The following TLE2 variants were observed in gnomAD, a reference collection of about 807,000 sequenced individuals.
TLE2 encodes the protein transducin-like enhancer protein 2.
TLE2 carries 74 observed loss-of-function variants against 97.2 expected under a neutral mutation model. The observed-to-expected ratio is 0.76, with a 90% CI of 0.63 to 0.92. TLE2 has a LOEUF of 0.92. Among genes scored for constraint, TLE2 ranks in the 40% least tolerant of loss-of-function variants. TLE2 has a pLI of 0.00. For missense variants in TLE2, 1,038 were observed against 1,008.7 expected (o/e 1.03, Z -0.39); for synonymous variants, 499 against 432.1 (o/e 1.15, Z -1.92).
At chr19:3,021,088 C>CAAAA (rs34363860) in intron 5 of TLE2, among the ~76,000 whole-genome samples, 4 of 15,482 alleles carry the variant, frequency 2.6e-4, no homozygotes, top group African/African-American at 2.3e-4. Flanking sequence ...GACCCAGTCT[C>CAAAA]AAAAAAAAAA....
Position 3,005,445 on chromosome 19 carries a change from T to C in TLE2, c.1888A>G (p.Ser630Gly). The change falls in exon 17 of 20, where the codon AGC (serine) becomes GGC (glycine). Residue 630 changes from serine to glycine, a missense_variant. Coordinates refer to ENST00000262953, the MANE Select transcript of TLE2 (RefSeq NM_003260.5). ...EGRQLQQHDF[S>G]SQIFSLGHCP... The stretch of plus-strand genomic sequence containing the variant: ...CCAGAACCGAACAGCACCTGGGAGC[T>C]GAAGTCATGCTGCTGCAGCTGGCGG... 6.2e-7 allele frequency: 1 copy of C among 1,613,708 alleles called. No homozygotes were observed. The highest frequency in any genetic ancestry group is 8.5e-7 in the Non-Finnish European group (1 of 1,179,816).
chr19:3,006,699 C>A lies in TLE2; in HGVS notation c.1251-30G>T. 3 of 1,559,076 alleles carry A rather than the reference C, an allele frequency of 1.9e-6. No homozygotes were observed. The South Asian group carries it at 3.6e-5, about 19-fold the overall frequency. On this transcript the variant is annotated intron_variant, in intron 14 of 19. Coordinates refer to ENST00000262953, the MANE Select transcript of TLE2 (RefSeq NM_003260.5). ...AGAGAAAGCCGGGGCATGACCCAGC[C>A]CTGGGCACCACGCCCCCGCACCCGC... is the stretch of plus-strand genomic sequence containing the variant.
intron 5 of TLE2, among the ~76,000 whole-genome samples, chr19:3,021,487 T>G (rs2089843014): frequency 6.6e-6 from 1 of 152,254 alleles, no homozygotes; most frequent in African/African-American, 2.4e-5. Context: ...ACCAGGCATT[T>G]GACATGTGGC....
chr19:3,001,221 T>C (rs1344937475), intron 18 of TLE2, among the ~76,000 whole-genome samples: 2 of 151,216 alleles, frequency 1.3e-5, no homozygotes, highest in Non-Finnish European at 2.9e-5. Context: ...TGCAGTGAGC[T>C]GAGATTGCGC....
At position 3,019,425 on chromosome 19, in the gene TLE2, C is replaced by T. The variant is rs779660710; in HGVS notation, c.408G>A (p.Val136=). 9.0e-5 allele frequency: 139 copies of T among 1,536,002 alleles called. No individual in the cohort carries two copies. Among genetic ancestry groups the T allele is most frequent in the Non-Finnish European group, 1.1e-4 (122 of 1,146,528 alleles). The change falls in exon 7 of 20, where the codon GTG becomes GTA. Residue 136 remains valine (V), a synonymous_variant. Transcript: ENST00000262953. The surrounding 1 kb of genome is among the most constrained non-coding windows in gnomAD (Gnocchi z 5.1). ...LQPLSHHAPP[V]PLTPRPAGLV... is the part of the protein sequence containing the mutation. ...GCCCGGCTGGGCGGGGGGTGAGGGG[C>T]ACAGGGGGTGCGTGGTGGGACAGCG...
rs757611241 is a variant in TLE2, at chr19:3,005,756, A to C, written c.1713T>G (p.Ile571Met). 6.2e-7 allele frequency: 1 copy of C among 1,613,788 alleles called. No homozygotes were observed. Among genetic ancestry groups the C allele is most frequent in the Admixed American group, 1.7e-5 (1 of 59,996 alleles). Residue 571 changes from isoleucine to methionine, a missense_variant, in exon 16 of 20, where the codon ATT (isoleucine) becomes ATG (methionine). Ile to Met is a conservative substitution (Grantham distance 10). Coordinates refer to ENST00000262953, the MANE Select transcript of TLE2 (RefSeq NM_003260.5). ...TCTGATTCTGCAGGTCCCAGACCAC[A>C]ATGTTGCCATCGCTGCAGCAGGAGA... The part of the protein sequence containing the change: ...VCFSCCSDGN[I>M]VVWDLQNQTM...
intron 1 of TLE2, among the ~76,000 whole-genome samples, chr19:3,041,000 T>TATATATATATATATATATATATATATAC (rs1357746644): frequency 3.2e-5 from 1 of 31,512 alleles, no homozygotes; most frequent in African/African-American, 2.0e-4. Flanking sequence ...TTTATATATA[T>TATATATATATATATATATATATATATAC]ATATATATAT....
chr19:3,005,546 T>A lies in TLE2; in HGVS notation c.1787A>T (p.Asp596Val). The A allele has an allele frequency of 6.2e-7, 1 of 1,613,570 alleles. No homozygotes were observed. The highest frequency in any genetic ancestry group is 8.5e-7 in the Non-Finnish European group (1 of 1,179,740). The change falls in exon 17 of 20, where the codon GAT becomes GTT. Residue 596 changes from aspartate to valine, a missense_variant. By Grantham distance (152) the Asp-to-Val change is radical. Coordinates refer to ENST00000262953, the MANE Select transcript of TLE2 (RefSeq NM_003260.5). ...GAGCCGAGTGCCGTAATCGGAAATA[T>A]CAATGCAGCTGGCGCCGTCCGTGTG... ...QGHTDGASCI[D>V]ISDYGTRLWT...
At chr19:3,030,039 T>G (rs925129286), upstream of TLE2, among the ~76,000 whole-genome samples, 1 of 152,164 alleles carries the variant, frequency 6.6e-6, no homozygotes, top group Non-Finnish European at 1.5e-5. Context: ...ACTCCTGGAC[T>G]CAAGCCTCTC....
In TLE2 at chr19:3,011,167, A is replaced by G; in HGVS notation, c.874-7T>C. 6.3e-7 allele frequency: 1 copy of G among 1,586,740 alleles called. No homozygotes were observed. The highest frequency in any genetic ancestry group is 8.6e-7 in the Non-Finnish European group (1 of 1,166,262). ...TGCTGGCGGGAAGGTCATTCTGCAG[A>G]GAAAGGGCAGGACTGAAGGCCACCA... On this transcript the variant is annotated splice_polypyrimidine_tract_variant and splice_region_variant and intron_variant, in intron 11 of 19. Transcript: ENST00000262953.
chr19:3,001,288 T>A (rs970400252), intron 18 of TLE2, among the ~76,000 whole-genome samples: 12 of 142,710 alleles, frequency 8.4e-5, no homozygotes, highest in Non-Finnish European at 1.4e-4. Flanking sequence ...AAAAAAAAAA[T>A]ATTTTTTGTA....
chr19:3,011,005 A>G lies in TLE2; in HGVS notation c.1012+17T>C, dbSNP rs2089583708. On this transcript the variant is annotated intron_variant, in intron 12 of 19. Coordinates refer to ENST00000262953, the MANE Select transcript of TLE2 (RefSeq NM_003260.5). Reference sequence around the variant, plus strand: ...CGAGGCCTGCTCCAGACAGGCACCAACAGGCAAGGTGCTCACCGACGCTGT... The same window carrying G: ...CGAGGCCTGCTCCAGACAGGCACCAGCAGGCAAGGTGCTCACCGACGCTGT... The G allele has an allele frequency of 1.3e-6, 2 of 1,597,470 alleles. No individual in the cohort carries two copies. The highest frequency in any genetic ancestry group is 2.3e-5 in the South Asian group (2 of 88,584).
intron 1 of TLE2, among the ~76,000 whole-genome samples, chr19:3,043,156 T>C (rs576420085): frequency 5.3e-5 from 8 of 150,636 alleles, no homozygotes; most frequent in African/African-American, 2.0e-4. Flanking sequence ...TGAGACAAGG[T>C]CTCACCGTGT....
At position 3,019,698 on chromosome 19, in the gene TLE2, C is replaced by T; in HGVS notation, c.369+1G>A. 1.2e-6 allele frequency: 2 copies of T among 1,608,496 alleles called. No homozygotes were observed. The highest frequency in any genetic ancestry group is 1.7e-6 in the Non-Finnish European group (2 of 1,177,726). ...GCGGGGCAGGGGCTAGAGAGACTCA[C>T]CCCGATGAGGCTGTTCAGCTCCCCC... On this transcript the variant is annotated splice_donor_variant, in intron 6 of 19. Transcript: ENST00000262953. LOFTEE classifies it high-confidence loss of function. The surrounding 1 kb of genome is among the most constrained non-coding windows in gnomAD (Gnocchi z 5.1).
intron 14 of TLE2, among the ~76,000 whole-genome samples, chr19:3,008,233 CTG>C (rs1461279774): frequency 6.6e-6 from 1 of 152,164 alleles, no homozygotes; most frequent in Non-Finnish European, 1.5e-5. Context: ...TCTGTGGACA[CTG>C]TGGCCAGATC....
chr19:3,028,852 G>C, intron 1 of TLE2, 29 bp downstream of exon 1: 1 of 1,611,646 alleles, frequency 6.2e-7, no homozygotes, highest in Non-Finnish European at 8.5e-7. Flanking sequence ...CCGGACACTG[G>C]GGGCCCCCTC....
At chr19:3,007,843 G>C (rs1218429441) in intron 14 of TLE2, among the ~76,000 whole-genome samples, 2 of 152,084 alleles carry the variant, frequency 1.3e-5, no homozygotes, top group East Asian at 1.9e-4. Context: ...CCAGCACTTC[G>C]AGAGGCCAAG....
intron 4 of TLE2, among the ~76,000 whole-genome samples, chr19:3,026,356 G>A (rs560135659): frequency 8.6e-5 from 13 of 151,766 alleles, no homozygotes; most frequent in South Asian, 8.3e-4. Flanking sequence ...GCTGAGGCAG[G>A]AGAGGCGCTT....
Position 3,019,270 on chromosome 19 carries a change from G to T in TLE2, c.550+13C>A. Reference sequence around the variant, plus strand: ...GTCTCCCCAGCCAATGCCACCCCGTGCTGCCCACTCACCTCTGGACCCCTC... The same window carrying T: ...GTCTCCCCAGCCAATGCCACCCCGTTCTGCCCACTCACCTCTGGACCCCTC... On this transcript the variant is annotated intron_variant, in intron 7 of 19. Coordinates refer to ENST00000262953, the MANE Select transcript of TLE2 (RefSeq NM_003260.5). This position sits in a 1 kb window ranked among gnomAD's most constrained non-coding sequence, Gnocchi z 5.1. 6.4e-7 allele frequency: 1 copy of T among 1,568,674 alleles called. No homozygotes were observed. The highest frequency in any genetic ancestry group is 1.2e-5 in the South Asian group (1 of 86,030).
Sources: allele counts gnomAD v4.1 joint callset (sites outside exome capture counted in the v4.1 genomes callset), GRCh38; gene constraint gnomAD v4.1.1; non-coding constraint Gnocchi (gnomAD v3.1); transcripts MANE v1.5; gene names NCBI Gene and HGNC (gene_info 2026-07-23, HGNC 2026-07-21).